Variants in BACH1 observed in about 807,000 individuals in gnomAD.
The protein encoded by BACH1 is BTB domain and CNC homolog 1.
BACH1 carries 35 observed loss-of-function variants against 52.9 expected under a neutral mutation model. The ratio of observed to expected loss-of-function variants is 0.66; its 90% CI spans 0.51 to 0.88. The LOEUF (loss-of-function observed/expected upper bound fraction) is 0.88, where lower values mean the gene tolerates loss of function less well. BACH1 is among the 40% of genes least tolerant of loss of function. The pLI is 0.00. For synonymous variants in BACH1, 321 were observed against 319.6 expected (o/e 1.00, Z -0.05); for missense variants, 808 against 872.6 (o/e 0.93, Z 0.93).
chr21:29,346,631 A>G (rs2089170159), downstream of BACH1, among the ~76,000 whole-genome samples: 1 of 152,266 alleles, frequency 6.6e-6, no homozygotes, highest in South Asian at 2.1e-4. Context: ...GGTATAGGAT[A>G]TGGCTTCTAG....
intron 1 of BACH1, among the ~76,000 whole-genome samples, chr21:29,314,911 A>T (rs1169507409): frequency 6.6e-6 from 1 of 152,230 alleles, no homozygotes; most frequent in Non-Finnish European, 1.5e-5. Context: ...GGTTAAAGAA[A>T]ATAACAGCTT....
At chr21:29,320,594 AT>A (rs2088836516) in intron 1 of BACH1, among the ~76,000 whole-genome samples, 1 of 152,208 alleles carries the variant, frequency 6.6e-6, no homozygotes, top group Non-Finnish European at 1.5e-5. Flanking sequence ...TGTGAAGTAA[AT>A]CTTACTGTAT....
At chr21:29,323,736 A>G (rs2088876152) in intron 2 of BACH1, among the ~76,000 whole-genome samples, 1 of 152,214 alleles carries the variant, frequency 6.6e-6, no homozygotes, top group African/African-American at 2.4e-5. Flanking sequence ...TGATGTTTTC[A>G]TGTACAGATG....
chr21:29,309,231 C>A (rs1237815098), intron 1 of BACH1, among the ~76,000 whole-genome samples: 1 of 146,314 alleles, frequency 6.8e-6, no homozygotes, highest in Non-Finnish European at 1.5e-5. Flanking sequence ...GCACTCCAGC[C>A]TGGGTGACAG....
rs370582692 is a variant in BACH1, at chr21:29,358,812, A to AAGAAAGAAAGAAAGAAAGAAAGAAAG, written c.472+29123_472+29124insAGAAAGAAAGAAAGAAAGAAAGAGAA. On this transcript the variant is annotated intron_variant, in intron 2 of 4. Transcript: ENST00000422809. ...AAAGAAAGAAAGAAAGAAAGAAAGA[A>AAGAAAGAAAGAAAGAAAGAAAGAAAG]AGAAGAAAGAAAGAAATGTAAAAAG... Among the ~76,000 whole-genome samples, 177 of 146,522 alleles carry AAGAAAGAAAGAAAGAAAGAAAGAAAG rather than the reference A, an allele frequency of 1.2e-3. 1 individual carries two copies. The highest frequency in any genetic ancestry group is 1.8e-3 in the South Asian group (8 of 4,522).
At chr21:29,314,987 T>C (rs2088769742) in intron 1 of BACH1, among the ~76,000 whole-genome samples, 1 of 152,188 alleles carries the variant, frequency 6.6e-6, no homozygotes, top group Non-Finnish European at 1.5e-5. Context: ...TTGGGAAGAA[T>C]GTTGTCTTAA....
intron 1 of BACH1, among the ~76,000 whole-genome samples, chr21:29,304,900 G>A (rs2088638995): frequency 6.6e-6 from 1 of 152,174 alleles, no homozygotes; most frequent in South Asian, 2.1e-4. Flanking sequence ...CCATCAGACA[G>A]TTTTGTTATA....
At position 29,336,393 on chromosome 21, in the gene BACH1, C is replaced by T. The variant is rs575872027; in HGVS notation, c.1777-6006C>T. 2.0e-5 allele frequency among the ~76,000 whole-genome samples: 3 copies of T among 152,244 alleles called. No homozygotes were observed. In the East Asian group the frequency reaches 5.8e-4, roughly 29 times the overall value. ...GCAGGAGGTCCAGTGTCAGTATTGT[C>T]GTACCTGGGTAGCTGGGAAGTGCCA... On this transcript the variant is annotated intron_variant, in intron 4 of 4. Transcript: ENST00000286800.
At chr21:29,301,105 A>T in intron 1 of BACH1, among the ~76,000 whole-genome samples, 1 of 152,212 alleles carries the variant, frequency 6.6e-6, no homozygotes. Context: ...TATTAATGGT[A>T]GTTCATTTAA....
At chr21:29,306,890 A>C (rs1397046126) in intron 1 of BACH1, among the ~76,000 whole-genome samples, 1 of 152,254 alleles carries the variant, frequency 6.6e-6, no homozygotes, top group South Asian at 2.1e-4. Context: ...CAATTTTGTC[A>C]ATAAATATAT....
At position 29,345,779 on chromosome 21, in the gene BACH1, C is replaced by A. The variant is rs972788070; in HGVS notation, c.*2946C>A. ...TGAACTTTTTTCAGTTATAAAACAT[C>A]TATTTTGAATCTGTAAATATTTTAA... On this transcript the variant is annotated 3_prime_UTR_variant, in exon 5 of 5. Transcript: ENST00000286800. The A allele has an allele frequency of 1.8e-4, 28 of 152,504 alleles. No individual in the cohort carries two copies. Among genetic ancestry groups the A allele is most frequent in the African/African-American group, 6.8e-4 (28 of 41,420 alleles). 9.4% of individuals were successfully genotyped at this position (152,504 alleles called of 1,614,324 possible).
chr21:29,355,769 G>A (rs1311641740), intron 2 of BACH1, among the ~76,000 whole-genome samples: 1 of 152,232 alleles, frequency 6.6e-6, no homozygotes, highest in Non-Finnish European at 1.5e-5. Context: ...ATAGCAAGAT[G>A]GCTGCCACAG....
intron 4 of BACH1, among the ~76,000 whole-genome samples, chr21:29,333,180 C>T (rs755945600): frequency 3.3e-5 from 5 of 152,146 alleles, no homozygotes; most frequent in African/African-American, 9.7e-5. Flanking sequence ...AAAGCTGGCC[C>T]GTCTAGAAGG....
chr21:29,329,689 A>T lies in BACH1; in HGVS notation c.1772A>T (p.Lys591Met). Residue 591 changes from lysine to methionine, a missense_variant, in exon 4 of 5, where the codon AAG becomes ATG. Coordinates refer to ENST00000286800, the MANE Select transcript of BACH1 (RefSeq NM_001186.4). The stretch of plus-strand genomic sequence containing the variant: ...CAGAATCTTGAATCAGAAATTGAGA[A>T]GCTGGTAAGTGTAAAAGTTTCTTGT... ...CIQNLESEIE[K>M]LQSEKESLLK... The T allele has an allele frequency of 6.6e-7, 1 of 1,518,494 alleles. No individual in the cohort carries two copies. The allele number at this position is 1,518,494 out of a possible 1,614,324, so 94.1% of individuals were successfully genotyped here.
chr21:29,307,709 A>C (rs943798474), intron 1 of BACH1, among the ~76,000 whole-genome samples: 2 of 152,190 alleles, frequency 1.3e-5, no homozygotes, highest in Non-Finnish European at 2.9e-5. Context: ...TCAGGTATCC[A>C]CTGGGGTTCT....
At chr21:29,350,778 G>A (rs1468076379), downstream of BACH1, among the ~76,000 whole-genome samples, 2 of 152,240 alleles carry the variant, frequency 1.3e-5, no homozygotes, top group Non-Finnish European at 2.9e-5. Context: ...AGGTCAGAGT[G>A]TAGAAGGTGA....
intron 1 of BACH1, among the ~76,000 whole-genome samples, chr21:29,301,194 G>T (rs1358000175): frequency 6.6e-6 from 1 of 152,190 alleles, no homozygotes; most frequent in African/African-American, 2.4e-5. Context: ...CATGAATTTT[G>T]TAAGTATTAG....
At position 29,326,612 on chromosome 21, in the gene BACH1, G is replaced by T; in HGVS notation, c.788G>T (p.Cys263Phe). The T allele has an allele frequency of 6.2e-7, 1 of 1,614,226 alleles. No individual in the cohort carries two copies. The highest frequency in any genetic ancestry group is 1.6e-4 in the Middle Eastern group (1 of 6,062). The change falls in exon 3 of 5, where the codon TGC (cysteine) becomes TTC (phenylalanine). Residue 263 changes from cysteine (C) to phenylalanine (F), a missense_variant. Cys to Phe is a radical substitution (Grantham distance 205). Transcript: ENST00000286800. The part of the protein sequence containing the change: ...VQPNERSENE[C>F]LGGVPECRDL... ...CCAAATGAAAGGTCTGAAAATGAAT[G>T]CCTGGGAGGAGTCCCGGAGTGTAGA...
chr21:29,327,303 A>G lies in BACH1; in HGVS notation c.1479A>G (p.Pro493=), dbSNP rs746309353. 6 of 1,614,220 alleles carry G rather than the reference A, an allele frequency of 3.7e-6. No individual in the cohort carries two copies. Among genetic ancestry groups the G allele is most frequent in the East Asian group, 2.2e-5 (1 of 44,880 alleles). ...YVSEPQQEPC[P]YACVISLGDD... The stretch of plus-strand genomic sequence containing the variant: ...CAGAACCCCAGCAAGAACCTTGCCC[A>G]TATGCTTGTGTCATTAGCTTGGGAG... The change falls in exon 3 of 5, where the codon CCA becomes CCG. Residue 493 remains proline (P), a synonymous_variant. Coordinates refer to ENST00000286800, the MANE Select transcript of BACH1 (RefSeq NM_001186.4).
Sources: allele counts gnomAD v4.1 joint callset (sites outside exome capture counted in the v4.1 genomes callset), GRCh38; gene constraint gnomAD v4.1.1; transcripts MANE v1.5; gene names NCBI Gene and HGNC (gene_info 2026-07-23, HGNC 2026-07-21).